The following CP variants were observed in gnomAD, a reference collection of about 807,000 sequenced individuals.
CP encodes ceruloplasmin, also known as caeruloplasmin.
CP carries 64 observed loss-of-function variants against 122.4 expected under a neutral mutation model. The ratio of observed to expected loss-of-function variants is 0.52; its 90% CI spans 0.43 to 0.64. The LOEUF (loss-of-function observed/expected upper bound fraction) is 0.64. Among genes scored for constraint, CP ranks in the 30% least tolerant of loss-of-function variants. The pLI, the probability that CP is intolerant of heterozygous loss-of-function variation, is 0.00. For missense variants in CP, 1,167 were observed against 1,284.4 expected (o/e 0.91, Z 1.40); for synonymous variants, 440 against 436.4 (o/e 1.01, Z -0.10).
chr3:149,199,717 C>T lies in CP; in HGVS notation c.1496G>A (p.Ser499Asn). Residue 499 changes from serine (S) to asparagine (N), a missense_variant, in exon 8 of 19, where the codon AGC (serine) becomes AAC (asparagine). Transcript: ENST00000264613. ...TYYSPNYNPQ[S>N]RSVPPSASHV... Reference sequence around the variant, plus strand: ...ACACAGTGCTGTATACTCACTTCTGCTCTGGGGGTTGTAATTTGGGGAATA... The same window carrying T: ...ACACAGTGCTGTATACTCACTTCTGTTCTGGGGGTTGTAATTTGGGGAATA... 6.2e-7 allele frequency: 1 copy of T among 1,614,050 alleles called. No individual in the cohort carries two copies. The highest frequency in any genetic ancestry group is 1.1e-5 in the South Asian group (1 of 91,082).
intron 1 of CP, among the ~76,000 whole-genome samples, chr3:149,220,563 TTG>T (rs1423818332): frequency 3.3e-5 from 5 of 152,112 alleles, no homozygotes; most frequent in Non-Finnish European, 7.4e-5. Flanking sequence ...ACTTTCTTTA[TTG>T]TATATTATTA....
At chr3:149,163,960 A>T in intron 5 of CP, 1 of 1,253,382 alleles carries the variant, frequency 8.0e-7, no homozygotes, top group Non-Finnish European at 1.2e-6. Context: ...GTAAGTAAAA[A>T]TACCTCCTTT....
At chr3:149,217,462 C>G (rs1728541989) in intron 1 of CP, among the ~76,000 whole-genome samples, 1 of 152,084 alleles carries the variant, frequency 6.6e-6, no homozygotes, top group African/African-American at 2.4e-5. Flanking sequence ...AGAGACTTTA[C>G]CAATCAGAAG....
intron 1 of CP, among the ~76,000 whole-genome samples, chr3:149,219,219 G>A (rs1395187875): frequency 6.6e-6 from 1 of 152,218 alleles, no homozygotes; most frequent in Non-Finnish European, 1.5e-5. Flanking sequence ...CAGAGGAGAT[G>A]TTAAAGTCAC....
chr3:149,177,339 A>G (rs16861579), intron 17 of CP, among the ~76,000 whole-genome samples: 22,415 of 152,156 alleles, frequency 0.15, 2,206 homozygotes, highest in East Asian at 0.28. Flanking sequence ...TCAGTTAAAA[A>G]TGCAAATCCT....
downstream of CP, chr3:149,167,954 A>G: frequency 6.3e-7 from 1 of 1,597,074 alleles, no homozygotes; most frequent in Non-Finnish European, 8.6e-7. Context: ...GGTGGAGAGA[A>G]GTATCAACTC....
At chr3:149,183,754 A>C in intron 12 of CP, 149 bp from the exon 13 acceptor site, 1 of 624,616 alleles carries the variant, frequency 1.6e-6, no homozygotes, top group Non-Finnish European at 2.7e-6. Flanking sequence ...GTAGGAATGC[A>C]TAATAAGACT....
At chr3:149,196,475 ACAAAAAACAAAAAACAGG>A (rs1726904242) in intron 9 of CP, among the ~76,000 whole-genome samples, 1 of 152,178 alleles carries the variant, frequency 6.6e-6, no homozygotes, top group East Asian at 1.9e-4. Context: ...ACCAAAAAAA[ACAAAAAACAAAAAACAGG>A]CTTTTGGGAA....
At position 149,162,861 on chromosome 3, in the gene CP, C is replaced by T. The variant is rs369855073; in HGVS notation, c.*28G>A. The stretch of plus-strand genomic sequence containing the variant: ...GCAGCCTCCTGACACCACACCATTG[C>T]GAACATCGGAGGATCTGGTAAGATA... On this transcript the variant is annotated 3_prime_UTR_variant, in exon 6 of 6. Coordinates refer to the CP transcript ENST00000479771. 16 of 1,613,350 alleles carry T rather than the reference C, an allele frequency of 9.9e-6. No homozygotes were observed. The highest frequency in any genetic ancestry group is 2.2e-5 in the East Asian group (1 of 44,860).
At chr3:149,162,634 G>T (rs776360919) in exon 6 of CP, 5 of 1,555,980 alleles carry the variant, frequency 3.2e-6, no homozygotes, top group Non-Finnish European at 3.5e-6. Context: ...CCCAGCTGTC[G>T]CTTTATCAGT....
downstream of CP, among the ~76,000 whole-genome samples, chr3:149,171,803 C>CAAGCAAT (rs1281922451): frequency 6.8e-6 from 1 of 147,302 alleles, no homozygotes; most frequent in Non-Finnish European, 1.5e-5. Flanking sequence ...CTCAAGGGTT[C>CAAGCAAT]AAGCAATTCT....
intron 11 of CP, chr3:149,186,161 G>A: frequency 2.9e-6 from 1 of 340,126 alleles, no homozygotes; most frequent in Non-Finnish European, 5.6e-6. Flanking sequence ...AGGCTACAGA[G>A]ACATGATGAA....
intron 9 of CP, among the ~76,000 whole-genome samples, chr3:149,193,346 A>G (rs1029578783): frequency 6.6e-6 from 1 of 152,136 alleles, no homozygotes; most frequent in Non-Finnish European, 1.5e-5. Flanking sequence ...AACCATCTAA[A>G]TGTTTGACAG....
intron 2 of CP, among the ~76,000 whole-genome samples, chr3:149,211,451 C>T (rs1017387520): frequency 6.6e-6 from 1 of 152,132 alleles, no homozygotes; most frequent in Non-Finnish European, 1.5e-5. Flanking sequence ...ATTTCAAAGC[C>T]CTTGCTTTTC....
At chr3:149,195,106 A>G (rs934933968) in intron 9 of CP, among the ~76,000 whole-genome samples, 3 of 152,252 alleles carry the variant, frequency 2.0e-5, no homozygotes, top group African/African-American at 7.2e-5. Flanking sequence ...GAAAAAAGAT[A>G]AATATGATCC....
At position 149,162,869 on chromosome 3, in the gene CP, G is replaced by A. The variant is rs201221505; in HGVS notation, c.*20C>T. 143 of 1,612,968 alleles carry A rather than the reference G, an allele frequency of 8.9e-5. No individual in the cohort carries two copies. The highest frequency in any genetic ancestry group is 2.5e-4 in the East Asian group (11 of 44,870). Reference sequence around the variant, plus strand: ...CTGACACCACACCATTGCGAACATCGGAGGATCTGGTAAGATAATGGAATA... The same window carrying A: ...CTGACACCACACCATTGCGAACATCAGAGGATCTGGTAAGATAATGGAATA... On this transcript the variant is annotated 3_prime_UTR_variant, in exon 6 of 6. Coordinates refer to the CP transcript ENST00000479771.
intron 7 of CP, among the ~76,000 whole-genome samples, chr3:149,201,805 A>C (rs1727343244): frequency 6.6e-6 from 1 of 151,586 alleles, no homozygotes; most frequent in Non-Finnish European, 1.5e-5. Context: ...CATGTTGTCC[A>C]AGCTGGTCTC....
At position 149,202,206 on chromosome 3, in the gene CP, C is replaced by A. The variant is rs1204473261; in HGVS notation, c.1244G>T (p.Arg415Ile). ...SAVFFEQGTT[R>I]IGGSYKKLVY... ...CAGCTTTTTATAAGAGCCTCCAATT[C>A]TTGTGGTACCTTGTTCAAAAAACAC... Residue 415 changes from arginine (R) to isoleucine (I), a missense_variant, in exon 7 of 19, where the codon AGA (arginine) becomes ATA (isoleucine). Transcript: ENST00000264613. 3.1e-6 allele frequency: 5 copies of A among 1,614,152 alleles called. No homozygotes were observed. Among genetic ancestry groups the A allele is most frequent in the Non-Finnish European group, 4.2e-6 (5 of 1,180,018 alleles).
chr3:149,192,694 A>T (rs1726621622), intron 9 of CP, among the ~76,000 whole-genome samples: 1 of 151,694 alleles, frequency 6.6e-6, no homozygotes, highest in Non-Finnish European at 1.5e-5. Context: ...TATATATATT[A>T]TATGGCTTAA....
Sources: gnomAD v4.1 joint callset for allele counts (sites outside exome capture counted in the v4.1 genomes callset) on GRCh38, gnomAD v4.1.1 for gene constraint, MANE v1.5 for transcripts, NCBI Gene and HGNC (gene_info 2026-07-23, HGNC 2026-07-21) for gene names.